Variants in AIM2 observed in about 807,000 individuals in gnomAD.
AIM2 encodes interferon-inducible protein AIM2.
In AIM2, 30 loss-of-function variants were observed where a neutral mutation model predicts 27.7. The ratio of observed to expected loss-of-function variants is 1.08; its 90% confidence interval spans 0.81 to 1.47. The LOEUF (loss-of-function observed/expected upper bound fraction) is 1.47. AIM2 is among the 40% of genes most tolerant of loss of function. The probability of loss-of-function intolerance (pLI) is 0.00; values close to 1 mark genes in which losing one functional copy is unlikely to be tolerated. For missense variants in AIM2, 358 were observed against 411.3 expected (o/e 0.87, Z 1.12); for synonymous variants, 141 against 145.3 (o/e 0.97, Z 0.21).
At position 159,066,302 on chromosome 1, in the gene AIM2, G is replaced by T; in HGVS notation, c.424C>A (p.Gln142Lys). ...TGAAACCCTTCTCTGATAGATTCCT[G>T]CTGGGCCACCATCTGTTTCTGTTCA... ...KPEQKQMVAQ[Q>K]ESIREGFQKR... Residue 142 changes from glutamine to lysine, a missense_variant, in exon 4 of 6, where the codon CAG (glutamine) becomes AAG (lysine). Physicochemically the swap from Gln to Lys is moderately conservative, Grantham distance 53. Transcript: ENST00000368130. The T allele has an allele frequency of 1.2e-6, 2 of 1,613,228 alleles. No individual in the cohort carries two copies. The highest frequency in any genetic ancestry group is 1.7e-6 in the Non-Finnish European group (2 of 1,179,688).
intron 1 of AIM2, among the ~76,000 whole-genome samples, chr1:159,091,383 C>T (rs765414887): frequency 2.6e-5 from 4 of 152,164 alleles, no homozygotes; most frequent in African/African-American, 9.7e-5. Flanking sequence ...CTTGTCACGA[C>T]GTGCTTTGGC....
intron 1 of AIM2, among the ~76,000 whole-genome samples, chr1:159,111,776 T>G (rs887355318): frequency 2.0e-5 from 3 of 147,990 alleles, no homozygotes; most frequent in Non-Finnish European, 4.4e-5. Flanking sequence ...CTGGCCAACA[T>G]GTTGAAACCC....
intron 2 of AIM2, among the ~76,000 whole-genome samples, chr1:159,069,493 TGTA>T (rs1375803206): frequency 1.3e-5 from 2 of 151,940 alleles, no homozygotes; most frequent in Admixed American, 1.3e-4. Flanking sequence ...TGGAATCTTA[TGTA>T]GTAGTGAAAA....
At chr1:159,142,092 A>G (rs1243765928), upstream of AIM2, among the ~76,000 whole-genome samples, 2 of 152,150 alleles carry the variant, frequency 1.3e-5, no homozygotes, top group East Asian at 1.9e-4. Context: ...GTTTCATCCC[A>G]GTCCAGCTAT....
chr1:159,074,727 T>C (rs888150165), intron 1 of AIM2, among the ~76,000 whole-genome samples: 1 of 152,090 alleles, frequency 6.6e-6, no homozygotes, highest in African/African-American at 2.4e-5. Flanking sequence ...TAATTTCCAA[T>C]AGCAACAAAA....
chr1:159,070,419 C>T (rs1656303901), intron 2 of AIM2, among the ~76,000 whole-genome samples: 1 of 152,192 alleles, frequency 6.6e-6, no homozygotes, highest in East Asian at 1.9e-4. Context: ...TCTGGCTGGG[C>T]TCCTCCACGT....
intron 1 of AIM2, among the ~76,000 whole-genome samples, chr1:159,138,582 A>C (rs946125936): frequency 2.0e-5 from 3 of 152,218 alleles, no homozygotes; most frequent in African/African-American, 7.2e-5. Flanking sequence ...GGTGGAATCT[A>C]CTATTTTGGT....
At chr1:159,103,452 AAGAC>A (rs995175027) in intron 1 of AIM2, among the ~76,000 whole-genome samples, 2 of 152,086 alleles carry the variant, frequency 1.3e-5, no homozygotes, top group African/African-American at 4.8e-5. Context: ...TCATCTCAGA[AAGAC>A]AGTCAGTCAC....
In AIM2 at chr1:159,063,636, A is replaced by G; in HGVS notation, c.855T>C (p.Ser285=). The change falls in exon 5 of 6, where the codon AGT becomes AGC. Residue 285 remains serine (S), a synonymous_variant. Transcript: ENST00000368130. The part of the protein sequence containing the change: ...EKKKNILFDL[S]DNTGKMEVLG... Reference sequence around the variant, plus strand: ...GTACTTCCATTTTCCCAGTGTTGTCACTTAGGTCAAATAATATGTTTTTCT... The same window carrying G: ...GTACTTCCATTTTCCCAGTGTTGTCGCTTAGGTCAAATAATATGTTTTTCT... The G allele has an allele frequency of 6.2e-7, 1 of 1,613,876 alleles. No individual in the cohort carries two copies. Among genetic ancestry groups the G allele is most frequent in the Non-Finnish European group, 8.5e-7 (1 of 1,179,942 alleles).
the AIM2 span, among the ~76,000 whole-genome samples, chr1:159,056,571 G>T: frequency 6.6e-6 from 1 of 151,750 alleles, no homozygotes; most frequent in South Asian, 2.1e-4. Context: ...TTGCATGACT[G>T]GAGTTTGATG....
intron 2 of AIM2, among the ~76,000 whole-genome samples, chr1:159,069,433 C>A (rs529532880): frequency 2.4e-4 from 37 of 152,018 alleles, no homozygotes; most frequent in African/African-American, 5.5e-4. Context: ...AATTCTCTCT[C>A]TCTATATATA....
chr1:159,128,056 C>G (rs571401928), intron 1 of AIM2, among the ~76,000 whole-genome samples: 2 of 152,236 alleles, frequency 1.3e-5, no homozygotes, highest in East Asian at 3.9e-4. Context: ...TTCTTTTTGT[C>G]AGTCTCTCCT....
At chr1:159,061,320 T>G (rs1655825697), downstream of AIM2, among the ~76,000 whole-genome samples, 1 of 152,220 alleles carries the variant, frequency 6.6e-6, no homozygotes, top group African/African-American at 2.4e-5. Context: ...ATCATCTTTT[T>G]GCCCATTTTA....
At chr1:159,087,685 G>A (rs1472065951) in intron 1 of AIM2, among the ~76,000 whole-genome samples, 1 of 150,290 alleles carries the variant, frequency 6.7e-6, no homozygotes, top group Non-Finnish European at 1.5e-5. Context: ...CGATTCTCAT[G>A]CTTCAGCCTC....
intron 1 of AIM2, among the ~76,000 whole-genome samples, chr1:159,139,974 G>A (rs1473303708): frequency 6.6e-6 from 1 of 152,272 alleles, no homozygotes; most frequent in South Asian, 2.1e-4. Context: ...GGAGAATCAG[G>A]AAGATGTATG....
chr1:159,090,018 G>C (rs1657010347), intron 1 of AIM2, among the ~76,000 whole-genome samples: 1 of 152,154 alleles, frequency 6.6e-6, no homozygotes, highest in Non-Finnish European at 1.5e-5. Flanking sequence ...CATGGAGAAA[G>C]CCTGAAGCCA....
chr1:159,131,703 C>T (rs780653862), intron 1 of AIM2, among the ~76,000 whole-genome samples: 5 of 152,164 alleles, frequency 3.3e-5, no homozygotes, highest in African/African-American at 4.8e-5. Context: ...AGAAAGTGGG[C>T]GGACAACAAA....
At chr1:159,097,136 C>A (rs575242579) in intron 1 of AIM2, among the ~76,000 whole-genome samples, 3 of 152,188 alleles carry the variant, frequency 2.0e-5, no homozygotes, top group Admixed American at 6.5e-5. Context: ...TCAGGCAAAC[C>A]GCTAAGTCTT....
chr1:159,111,941 T>C (rs1345267738), intron 1 of AIM2, among the ~76,000 whole-genome samples: 6 of 151,774 alleles, frequency 4.0e-5, no homozygotes, highest in Non-Finnish European at 8.8e-5. Context: ...ACTTGGGAAT[T>C]TGAGGCTCAA....
Sources: allele counts gnomAD v4.1 joint callset (sites outside exome capture counted in the v4.1 genomes callset), GRCh38; gene constraint gnomAD v4.1.1; transcripts MANE v1.5; gene names NCBI Gene and HGNC (gene_info 2026-07-23, HGNC 2026-07-21).